C6orf89: variants seen among roughly 807,000 people sequenced by gnomAD.
C6orf89 encodes chromosome 6 open reading frame 89, also known as bombesin receptor-activated protein C6orf89.
In C6orf89, 29 loss-of-function variants were observed where a neutral mutation model predicts 40.7. The ratio of observed to expected loss-of-function variants is 0.71; its 90% CI spans 0.53 to 0.97. The LOEUF is 0.97. Ranked by LOEUF, C6orf89 falls within the 50% of genes least tolerant of loss-of-function variation. The pLI is 0.00. For missense variants in C6orf89, 392 were observed against 429.1 expected, an observed-to-expected ratio of 0.91 and a Z score of 0.76; for synonymous variants, 165 against 152.2, an observed-to-expected ratio of 1.08 and a Z score of -0.62.
In C6orf89 at chr6:36,928,242, A is replaced by G. The variant is rs921052954; in HGVS notation, c.*4801A>G. On this transcript the variant is annotated 3_prime_UTR_variant, in exon 9 of 9. Coordinates refer to ENST00000480824, the MANE Select transcript of C6orf89 (RefSeq NM_001286635.2). ...TCTGTCAGGCAGGCAGCAGCCATCA[A>G]TCCAAGAATGAGCCATGGCGGCAAG... The G allele has an allele frequency of 3.9e-5, 6 of 152,192 alleles. No homozygotes were observed. Among genetic ancestry groups the G allele is most frequent in the South Asian group, 2.1e-4 (1 of 4,816 alleles). The allele number at this position is 152,192 out of a possible 1,614,324, so 9.4% of individuals were successfully genotyped here. A position where few individuals can be genotyped will look rare whatever the true frequency, so the allele number is the denominator to read the frequency against.
chr6:36,891,075 A>T (rs1761193493), intron 1 of C6orf89, among the ~76,000 whole-genome samples: 1 of 152,058 alleles, frequency 6.6e-6, no homozygotes, highest in African/African-American at 2.4e-5. Flanking sequence ...TATGTGTGCC[A>T]TGTTGGTGTG....
At position 36,914,395 on chromosome 6, in the gene C6orf89, C is replaced by T; in HGVS notation, c.515C>T (p.Ala172Val). The change falls in exon 5 of 9, where the codon GCC becomes GTC. Residue 172 changes from alanine (A) to valine (V), a missense_variant. Physicochemically the swap from Ala to Val is moderately conservative, Grantham distance 64. Transcript: ENST00000480824. ...KHLKVMLLED[A>V]PRKFERLHPL... ...CTGAAGGTGATGCTCCTGGAAGACG[C>T]CCCAAGGAAATTTGAGAGGCTCCAT... 1 of 1,614,174 alleles carries T rather than the reference C, an allele frequency of 6.2e-7. No individual in the cohort carries two copies. Among genetic ancestry groups the T allele is most frequent in the Non-Finnish European group, 8.5e-7 (1 of 1,180,022 alleles).
chr6:36,874,601 CA>C, intron 1 of C6orf89: 1 of 1,383,224 alleles, frequency 7.2e-7, no homozygotes, highest in South Asian at 1.2e-5. Flanking sequence ...GCCGCTGCTC[CA>C]CGCCCCTCCA....
chr6:36,892,466 C>T (rs1025206460), intron 1 of C6orf89, among the ~76,000 whole-genome samples: 6 of 152,160 alleles, frequency 3.9e-5, no homozygotes, highest in Non-Finnish European at 5.9e-5. Flanking sequence ...CTCAGCCTCC[C>T]GAGTAGCTGG....
At chr6:36,902,851 T>C (rs1478268130) in intron 4 of C6orf89, among the ~76,000 whole-genome samples, 1 of 152,240 alleles carries the variant, frequency 6.6e-6, no homozygotes, top group African/African-American at 2.4e-5. Flanking sequence ...CCTCTAACAG[T>C]CCTTGGCCTA....
chr6:36,909,181 G>GTT (rs67631050), intron 4 of C6orf89, among the ~76,000 whole-genome samples: 12,073 of 137,446 alleles, frequency 0.088, 533 homozygotes, highest in South Asian at 0.12. Context: ...GTTGTTGTGG[G>GTT]TTTTTTTTTT....
intron 2 of C6orf89, among the ~76,000 whole-genome samples, chr6:36,897,680 A>G (rs1046900517): frequency 6.6e-6 from 1 of 152,234 alleles, no homozygotes; most frequent in African/African-American, 2.4e-5. Flanking sequence ...GGTGATTCTA[A>G]TGTGCAAGCC....
At chr6:36,887,329 A>G (rs1349361558) in intron 1 of C6orf89, among the ~76,000 whole-genome samples, 2 of 152,250 alleles carry the variant, frequency 1.3e-5, no homozygotes, top group Non-Finnish European at 2.9e-5. Flanking sequence ...GTTCGGAATG[A>G]TAATTTTAGG....
chr6:36,912,774 C>T (rs536018173), intron 4 of C6orf89, among the ~76,000 whole-genome samples: 4 of 152,310 alleles, frequency 2.6e-5, no homozygotes, highest in African/African-American at 4.8e-5. Context: ...GGAGGATGCT[C>T]AGCAGACCGG....
intron 4 of C6orf89, among the ~76,000 whole-genome samples, chr6:36,907,902 C>T (rs978800270): frequency 6.6e-6 from 1 of 152,170 alleles, no homozygotes; most frequent in African/African-American, 2.4e-5. Context: ...TTGGCTGTTT[C>T]CCAGGATGGA....
intron 4 of C6orf89, among the ~76,000 whole-genome samples, chr6:36,906,321 A>C (rs1021797114): frequency 4.6e-5 from 7 of 152,210 alleles, no homozygotes; most frequent in African/African-American, 1.7e-4. Flanking sequence ...TTCTGTGATA[A>C]TAACAGCTCT....
rs376198779 is a variant in C6orf89, at chr6:36,914,523, G to GTTGTT, written c.556-19_556-15dup. On this transcript the variant is annotated intron_variant, in intron 5 of 8. Coordinates refer to ENST00000480824, the MANE Select transcript of C6orf89 (RefSeq NM_001286635.2). ...GGAAATTTCTGACAAGTAACTCTGTGTTGTTTTGTTTTGTTTCCTGCCTTG... is the reference window on the plus strand; with the variant it reads ...GGAAATTTCTGACAAGTAACTCTGTGTTGTTTTGTTTTGTTTTGTTTCCTGCCTTG... 1,142 of 1,613,200 alleles carry GTTGTT rather than the reference G, an allele frequency of 7.1e-4. 2 individuals carry two copies. The African/African-American group carries it at 0.014, about 19-fold the overall frequency.
intron 3 of C6orf89, among the ~76,000 whole-genome samples, chr6:36,900,033 G>T (rs915099806): frequency 3.8e-4 from 56 of 147,226 alleles, no homozygotes; most frequent in African/African-American, 1.3e-3. Context: ...GATTACAGGC[G>T]TGCGCCACCA....
rs1257480212 is a variant in C6orf89, at chr6:36,886,017, C to G, written c.-131C>G. The G allele has an allele frequency of 1.6e-6, 2 of 1,256,290 alleles. No individual in the cohort carries two copies. Among genetic ancestry groups the G allele is most frequent in the Non-Finnish European group, 2.0e-6 (2 of 997,718 alleles). 77.8% of individuals were successfully genotyped at this position (1,256,290 alleles called of 1,614,324 possible). On this transcript the variant is annotated 5_prime_UTR_variant, in exon 1 of 9. Transcript: ENST00000480824. ...CGAGGCGGGAGGAGCCCGAGGGGCG[C>G]GAGCCCCGCATGTGAGTGACTGGGG... is the stretch of plus-strand genomic sequence containing the variant.
upstream of C6orf89, among the ~76,000 whole-genome samples, chr6:36,882,895 G>A (rs577055556): frequency 1.6e-3 from 242 of 151,436 alleles, no homozygotes; most frequent in African/African-American, 5.5e-3. Flanking sequence ...CCGCCACCGC[G>A]CCTGGCTAAT....
At chr6:36,889,910 G>A (rs1289374528) in intron 1 of C6orf89, among the ~76,000 whole-genome samples, 1 of 152,198 alleles carries the variant, frequency 6.6e-6, no homozygotes, top group Middle Eastern at 3.4e-3. Context: ...AAGTAGTTCT[G>A]GTAAAAACAG....
At chr6:36,875,106 T>C (rs1267365705) in intron 1 of C6orf89, 4 of 309,484 alleles carry the variant, frequency 1.3e-5, no homozygotes, top group Non-Finnish European at 1.2e-5. Context: ...GTTGGAGTTA[T>C]GTCCTAATAT....
chr6:36,891,064 A>G (rs1401642618), intron 1 of C6orf89, among the ~76,000 whole-genome samples: 1 of 152,188 alleles, frequency 6.6e-6, no homozygotes, highest in East Asian at 1.9e-4. Flanking sequence ...TTACATATGT[A>G]TATGTGTGCC....
chr6:36,911,537 A>G (rs1351442090), intron 4 of C6orf89, among the ~76,000 whole-genome samples: 1 of 152,088 alleles, frequency 6.6e-6, no homozygotes, highest in African/African-American at 2.4e-5. Context: ...AGTTAAAATA[A>G]TTCTCCTAAC....
Sources: allele counts gnomAD v4.1 joint callset (sites outside exome capture counted in the v4.1 genomes callset), GRCh38; gene constraint gnomAD v4.1.1; transcripts MANE v1.5; gene names NCBI Gene and HGNC (gene_info 2026-07-23, HGNC 2026-07-21).